Variants in SPECC1L observed in about 807,000 individuals in gnomAD.
SPECC1L encodes cytospin-A.
A neutral mutation model predicts 116.8 loss-of-function variants in SPECC1L; 40 were observed. The observed-to-expected ratio is 0.34, with a 90% CI of 0.27 to 0.45. SPECC1L has a LOEUF of 0.45. Ranked by LOEUF, SPECC1L falls within the 20% of genes least tolerant of loss-of-function variation. The probability of loss-of-function intolerance (pLI) is 1.00; values close to 1 mark genes in which losing one functional copy is unlikely to be tolerated. For synonymous variants in SPECC1L, 504 were observed against 500.6 expected (o/e 1.01, Z -0.09); for missense variants, 1,110 against 1,373.6 (o/e 0.81, Z 3.03).
At chr22:24,329,370 A>G (rs2040893052) in intron 7 of SPECC1L, among the ~76,000 whole-genome samples, 2 of 152,216 alleles carry the variant, frequency 1.3e-5, no homozygotes, top group Non-Finnish European at 2.9e-5. Flanking sequence ...AGAAAGATAG[A>G]TTTGGGGAAA....
At chr22:24,407,537 G>A (rs1207068520) in intron 14 of SPECC1L, among the ~76,000 whole-genome samples, 1 of 152,214 alleles carries the variant, frequency 6.6e-6, no homozygotes, top group Non-Finnish European at 1.5e-5. Flanking sequence ...GGAGCAGAAG[G>A]GGCGGCTGCG....
At chr22:24,351,843 T>C (rs2041431138) in intron 11 of SPECC1L, among the ~76,000 whole-genome samples, 1 of 152,218 alleles carries the variant, frequency 6.6e-6, no homozygotes, top group African/African-American at 2.4e-5. Flanking sequence ...GTAATTTTCG[T>C]TTAAAAAATT....
Position 24,292,974 on chromosome 22 carries a change from A to G in SPECC1L, c.-37-9221A>G, listed in dbSNP as rs879435697. ...TTTTTAGAATACAGATTACACAGCA[A>G]TGAAGAGGATGAGCTGGGCATGGTG... On this transcript the variant is annotated intron_variant, in intron 2 of 16. Transcript: ENST00000314328. Among the ~76,000 whole-genome samples, 191 of 152,368 alleles carry G rather than the reference A, an allele frequency of 1.3e-3. No homozygotes were observed. In the Middle Eastern group the frequency reaches 0.014, roughly 11 times the overall value.
chr22:24,281,762 A>G (rs2048947874), intron 2 of SPECC1L, among the ~76,000 whole-genome samples: 1 of 152,156 alleles, frequency 6.6e-6, no homozygotes, highest in Non-Finnish European at 1.5e-5. Flanking sequence ...CCCACTCTGA[A>G]TGCCTTTTAT....
At chr22:24,295,880 A>G (rs1374994284) in intron 2 of SPECC1L, among the ~76,000 whole-genome samples, 1 of 152,152 alleles carries the variant, frequency 6.6e-6, no homozygotes, top group Non-Finnish European at 1.5e-5. Flanking sequence ...CCCGGGAGGC[A>G]GATGTTGCAG....
At chr22:24,404,924 C>T (rs2042556540) in intron 14 of SPECC1L, among the ~76,000 whole-genome samples, 1 of 152,224 alleles carries the variant, frequency 6.6e-6, no homozygotes, top group African/African-American at 2.4e-5. Context: ...GGATTCCATG[C>T]TGGGGCCACA....
rs1223491790 is a variant in SPECC1L at position 24,414,147 on chromosome 22, CAGAG to C, written c.3265-383_3265-380del. Reference sequence around the variant, plus strand: ...GAGTGTTGGTTCTGGGAGCCCCCGACAGAGAGAAATTCTCCTAGGCCAGTGCCTG... The same window carrying C: ...GAGTGTTGGTTCTGGGAGCCCCCGACAGAAATTCTCCTAGGCCAGTGCCTG... On this transcript the variant is annotated intron_variant, in intron 16 of 16. Coordinates refer to ENST00000314328, the MANE Select transcript of SPECC1L (RefSeq NM_015330.6). 4.6e-5 allele frequency among the ~76,000 whole-genome samples: 7 copies of C among 152,212 alleles called. No individual in the cohort carries two copies. The South Asian group carries it at 6.2e-4, about 13-fold the overall frequency.
chr22:24,383,792 A>ATT lies in SPECC1L; in HGVS notation c.3087+14511_3087+14512dup, dbSNP rs538972717. ...GCTGGGATTACAGGCACCCACCACT[A>ATT]TTTTTTTTTTTTTTTTTTTTTTTTT... On this transcript the variant is annotated intron_variant, in intron 14 of 16. Coordinates refer to ENST00000314328, the MANE Select transcript of SPECC1L (RefSeq NM_015330.6). Among the ~76,000 whole-genome samples the ATT allele has an allele frequency of 8.3e-4, 64 of 77,318 alleles. 6 individuals are homozygous for ATT. The highest frequency in any genetic ancestry group is 1.7e-3 in the South Asian group (3 of 1,804). 50.7% of individuals were successfully genotyped at this position (77,318 alleles called of 152,430 possible). A position where few individuals can be genotyped will look rare whatever the true frequency, so the allele number is the denominator to read the frequency against.
At chr22:24,377,479 CTCA>C (rs1408552388) in intron 14 of SPECC1L, among the ~76,000 whole-genome samples, 3 of 152,136 alleles carry the variant, frequency 2.0e-5, no homozygotes, top group Admixed American at 6.5e-5. Context: ...ATGTAGTTTT[CTCA>C]TCTTCTTGTC....
chr22:24,373,691 A>G (rs375858329), intron 14 of SPECC1L, among the ~76,000 whole-genome samples: 2 of 152,288 alleles, frequency 1.3e-5, no homozygotes, highest in Non-Finnish European at 1.5e-5. Flanking sequence ...AACCTAGGCA[A>G]TACCATTCAG....
Position 24,414,587 on chromosome 22 carries a change from G to C in SPECC1L, c.3318G>C (p.Leu1106=). The part of the protein sequence containing the change: ...TERPDWQNVM[L]YVTAIYKYFE... Reference sequence around the variant, plus strand: ...GACCCGACTGGCAGAACGTGATGCTGTATGTGACGGCGATCTACAAGTACT... The same window carrying C: ...GACCCGACTGGCAGAACGTGATGCTCTATGTGACGGCGATCTACAAGTACT... The change falls in exon 17 of 17, where the codon CTG becomes CTC. Residue 1106 remains leucine, a synonymous_variant. Coordinates refer to ENST00000314328, the MANE Select transcript of SPECC1L (RefSeq NM_015330.6). The C allele has an allele frequency of 1.2e-6, 2 of 1,614,032 alleles. No individual in the cohort carries two copies. Among genetic ancestry groups the C allele is most frequent in the Non-Finnish European group, 1.7e-6 (2 of 1,179,990 alleles).
intron 11 of SPECC1L, among the ~76,000 whole-genome samples, chr22:24,358,822 A>G (rs999025094): frequency 7.2e-5 from 11 of 152,250 alleles, no homozygotes; most frequent in African/African-American, 2.7e-4. Flanking sequence ...TTGGGAAACA[A>G]TAAAGGGAAA....
At chr22:24,391,139 T>C (rs934965960) in intron 14 of SPECC1L, among the ~76,000 whole-genome samples, 6 of 152,000 alleles carry the variant, frequency 3.9e-5, no homozygotes, top group African/African-American at 1.4e-4. Context: ...CCTCCCAAAG[T>C]GCTGGGATTA....
At chr22:24,385,769 A>G (rs2042149674) in intron 14 of SPECC1L, among the ~76,000 whole-genome samples, 2 of 152,246 alleles carry the variant, frequency 1.3e-5, no homozygotes, top group Admixed American at 1.3e-4. Context: ...AGGAAAACTG[A>G]TAGAACTAAA....
Position 24,328,931 on chromosome 22 carries a change from C to G in SPECC1L, c.2220+12C>G. On this transcript the variant is annotated intron_variant, in intron 7 of 16. Coordinates refer to ENST00000314328, the MANE Select transcript of SPECC1L (RefSeq NM_015330.6). ...ACAGAAGACTTCGGGTAGGATAAAT[C>G]TTCATGTATTGTCTTGTTAGAAAAC... The G allele has an allele frequency of 6.3e-7, 1 of 1,596,090 alleles. No individual in the cohort carries two copies.
At chr22:24,390,498 A>G (rs1421764290) in intron 14 of SPECC1L, among the ~76,000 whole-genome samples, 1 of 152,244 alleles carries the variant, frequency 6.6e-6, no homozygotes, top group African/African-American at 2.4e-5. Context: ...AATCAAATCT[A>G]GGTTGAAAGT....
chr22:24,334,958 G>A (rs2041022277), intron 9 of SPECC1L, among the ~76,000 whole-genome samples: 1 of 152,144 alleles, frequency 6.6e-6, no homozygotes, highest in South Asian at 2.1e-4. Flanking sequence ...ACCCTCAGGT[G>A]TCTCCTGGAC....
At chr22:24,412,567 T>C in intron 15 of SPECC1L, 81 bp from the exon 16 acceptor site, 1 of 1,317,090 alleles carries the variant, frequency 7.6e-7, no homozygotes, top group Non-Finnish European at 1.1e-6. Context: ...TTCAGATGCA[T>C]CTGTCCCAGG....
intron 14 of SPECC1L, among the ~76,000 whole-genome samples, chr22:24,377,300 G>GTCAC (rs1384561315): frequency 2.0e-5 from 3 of 152,050 alleles, no homozygotes; most frequent in African/African-American, 7.2e-5. Context: ...TATTATAAAT[G>GTCAC]TCACTGTTAA....
Sources: gnomAD v4.1 joint callset for allele counts (sites outside exome capture counted in the v4.1 genomes callset) on GRCh38, gnomAD v4.1.1 for gene constraint, MANE v1.5 for transcripts, NCBI Gene and HGNC (gene_info 2026-07-23, HGNC 2026-07-21) for gene names.